Variants in WIPF1 observed in about 807,000 individuals in gnomAD.
The protein encoded by WIPF1 is WAS/WASL interacting protein family member 1.
In WIPF1, 13 loss-of-function variants were observed where a neutral mutation model predicts 35.4. That is an observed-to-expected ratio of 0.37 (90% CI 0.24 to 0.58). The LOEUF (loss-of-function observed/expected upper bound fraction) is 0.58, where lower values mean the gene tolerates loss of function less well. Ranked by LOEUF, WIPF1 falls within the 20% of genes least tolerant of loss-of-function variation. The pLI, the probability that WIPF1 is intolerant of heterozygous loss-of-function variation, is 0.74. For synonymous variants in WIPF1, 267 were observed against 266.3 expected (o/e 1.00, Z -0.02); for missense variants, 591 against 667.0 (o/e 0.89, Z 1.25).
rs1251766200 is a variant in WIPF1 at position 174,621,874 on chromosome 2, AG to A, written c.-38-36264del. Among the ~76,000 whole-genome samples, 5 of 152,314 alleles carry A rather than the reference AG, an allele frequency of 3.3e-5. No individual in the cohort carries two copies. In the East Asian group the frequency reaches 7.7e-4, roughly 23 times the overall value. On this transcript the variant is annotated intron_variant, in intron 1 of 8. Transcript: ENST00000272746. ...GTGCAGGACTACACAGTAGCCTACC[AG>A]GGTGATTAGGCACCAACATGAACTT... is the stretch of plus-strand genomic sequence containing the variant.
chr2:174,676,877 T>C (rs1377617950), intron 1 of WIPF1, among the ~76,000 whole-genome samples: 2 of 152,148 alleles, frequency 1.3e-5, no homozygotes, highest in African/African-American at 4.8e-5. Flanking sequence ...AAATGTCACA[T>C]TGTGGCCAGG....
Position 174,622,809 on chromosome 2 carries a change from A to T in WIPF1, c.-38-37198T>A, listed in dbSNP as rs541940773. Among the ~76,000 whole-genome samples the T allele has an allele frequency of 1.6e-3, 237 of 152,140 alleles. No individual in the cohort carries two copies. The highest frequency in any genetic ancestry group is 2.9e-3 in the Non-Finnish European group (196 of 67,980). On this transcript the variant is annotated intron_variant, in intron 1 of 8. Coordinates refer to the WIPF1 transcript ENST00000272746. The surrounding 1 kb of genome is among the most constrained non-coding windows in gnomAD (Gnocchi z 5.1). ...TTGTGGGTACACAGTCTTTGTTTTG[A>T]TTTTCCAGAGGTTACAGAGCTGCCA...
chr2:174,642,070 G>A (rs1468258226), intron 1 of WIPF1, among the ~76,000 whole-genome samples: 1 of 152,052 alleles, frequency 6.6e-6, no homozygotes, highest in Non-Finnish European at 1.5e-5. Context: ...TACCAAGATA[G>A]AATACCAACT....
intron 1 of WIPF1, among the ~76,000 whole-genome samples, chr2:174,609,575 T>C (rs1308299462): frequency 1.3e-5 from 2 of 152,258 alleles, no homozygotes; most frequent in African/African-American, 4.8e-5. Flanking sequence ...ACTTACAAAC[T>C]GAAGTTATTT....
At chr2:174,660,305 C>T (rs1687730916) in intron 1 of WIPF1, among the ~76,000 whole-genome samples, 2 of 152,210 alleles carry the variant, frequency 1.3e-5, no homozygotes. Flanking sequence ...CATTTACTAG[C>T]TCCGTGACCC....
intron 1 of WIPF1, among the ~76,000 whole-genome samples, chr2:174,634,778 C>T (rs1687135642): frequency 6.6e-6 from 1 of 152,140 alleles, no homozygotes; most frequent in Non-Finnish European, 1.5e-5. Context: ...AGGAGATAAG[C>T]CAGGGGGAAG....
intron 1 of WIPF1, among the ~76,000 whole-genome samples, chr2:174,666,927 C>T (rs184173910): frequency 1.2e-4 from 19 of 152,362 alleles, no homozygotes; most frequent in South Asian, 4.1e-4. Flanking sequence ...ATCAGAAAAA[C>T]ACAAAGAGAT....
At position 174,622,766 on chromosome 2, in the gene WIPF1, T is replaced by A. The variant is rs777864817; in HGVS notation, c.-38-37155A>T. Among the ~76,000 whole-genome samples, 1 of 152,230 alleles carries A rather than the reference T, an allele frequency of 6.6e-6. No individual in the cohort carries two copies. Among genetic ancestry groups the A allele is most frequent in the Non-Finnish European group, 1.5e-5 (1 of 68,050 alleles). ...CTATAAGGAAATTCTTAACAATTTT[T>A]ATTTTTGTTTTTAATTTTTGTGGGT... On this transcript the variant is annotated intron_variant, in intron 1 of 8. Coordinates refer to the WIPF1 transcript ENST00000272746. This position sits in a 1 kb window ranked among gnomAD's most constrained non-coding sequence, Gnocchi z 5.1.
At chr2:174,593,594 C>T (rs1397056348) in intron 1 of WIPF1, among the ~76,000 whole-genome samples, 2 of 152,204 alleles carry the variant, frequency 1.3e-5, no homozygotes, top group Non-Finnish European at 2.9e-5. Flanking sequence ...GATCTGAAAA[C>T]CATTAGAACT....
intron 1 of WIPF1, among the ~76,000 whole-genome samples, chr2:174,608,999 T>C (rs1463899993): frequency 6.6e-6 from 1 of 152,174 alleles, no homozygotes; most frequent in East Asian, 1.9e-4. Flanking sequence ...CTCAGTGACC[T>C]AAGACTCCCC....
intron 1 of WIPF1, among the ~76,000 whole-genome samples, chr2:174,670,994 T>A (rs538559120): frequency 1.3e-5 from 2 of 152,342 alleles, no homozygotes; most frequent in Non-Finnish European, 2.9e-5. Context: ...TATTGACTTT[T>A]CCAAGGAAGT....
intron 1 of WIPF1, among the ~76,000 whole-genome samples, chr2:174,659,806 T>C (rs915617321): frequency 1.3e-5 from 2 of 152,226 alleles, no homozygotes; most frequent in Non-Finnish European, 2.9e-5. Context: ...TATCTGCGTA[T>C]AGTAAGTTTA....
At chr2:174,595,109 A>AAAAAAAAAATATAT (rs1553529785) in intron 1 of WIPF1, among the ~76,000 whole-genome samples, 31 of 57,736 alleles carry the variant, frequency 5.4e-4, no homozygotes, top group East Asian at 9.6e-4. Flanking sequence ...AAAAAAAAAA[A>AAAAAAAAAATATAT]ATATATATAT....
chr2:174,643,368 A>C (rs1442529066), intron 1 of WIPF1, among the ~76,000 whole-genome samples: 2 of 149,198 alleles, frequency 1.3e-5, no homozygotes, highest in Non-Finnish European at 2.9e-5. Flanking sequence ...CACGATGAAA[A>C]ACTTCATTTG....
At chr2:174,637,711 C>T (rs949900389) in intron 1 of WIPF1, among the ~76,000 whole-genome samples, 2 of 152,140 alleles carry the variant, frequency 1.3e-5, no homozygotes, top group Non-Finnish European at 2.9e-5. Context: ...GGTGTGAACC[C>T]GGGAGGCGGA....
In WIPF1 at chr2:174,590,203, GC is replaced by G. The variant is rs1439387890; in HGVS notation, c.-38-4593del. Among the ~76,000 whole-genome samples the G allele has an allele frequency of 6.6e-6, 1 of 152,224 alleles. No homozygotes were observed. The highest frequency in any genetic ancestry group is 1.5e-5 in the Non-Finnish European group (1 of 68,040). ...AAATTTGGTTCTGAATCCTTGCTCT[GC>G]CACCTGGCAGATTCAGATGGGAATT... On this transcript the variant is annotated intron_variant, in intron 1 of 7. Transcript: ENST00000679041. This position sits in a 1 kb window ranked among gnomAD's most constrained non-coding sequence, Gnocchi z 4.6.
chr2:174,566,979 C>A (rs2163236), intron 7 of WIPF1, 91 bp downstream of exon 7: 2 of 1,284,708 alleles, frequency 1.6e-6, no homozygotes, highest in Non-Finnish European at 2.2e-6. Flanking sequence ...CTACCCCACT[C>A]CAGGCAAGAA....
At chr2:174,672,611 G>A (rs1297910387) in intron 1 of WIPF1, among the ~76,000 whole-genome samples, 7 of 152,140 alleles carry the variant, frequency 4.6e-5, no homozygotes, top group Non-Finnish European at 1.5e-5. Flanking sequence ...AAAATATCAG[G>A]CTTCGGCTCC....
intron 1 of WIPF1, among the ~76,000 whole-genome samples, chr2:174,627,290 G>A (rs1291394438): frequency 6.6e-6 from 1 of 151,898 alleles, no homozygotes; most frequent in African/African-American, 2.4e-5. Flanking sequence ...GATCCACATG[G>A]AAGATACTTA....
Sources: gnomAD v4.1 joint callset for allele counts (sites outside exome capture counted in the v4.1 genomes callset) on GRCh38, gnomAD v4.1.1 for gene constraint, Gnocchi (gnomAD v3.1) non-coding constraint, MANE v1.5 for transcripts, NCBI Gene and HGNC (gene_info 2026-07-23, HGNC 2026-07-21) for gene names.